ZNF341: variants seen among roughly 807,000 people sequenced by gnomAD.
ZNF341 encodes the protein zinc finger protein 341.
A neutral mutation model predicts 87.7 loss-of-function variants in ZNF341; 52 were observed. That is an observed-to-expected ratio of 0.59 (90% CI 0.47 to 0.75). ZNF341 has a LOEUF of 0.75. Ranked by LOEUF, ZNF341 falls within the 30% of genes least tolerant of loss-of-function variation. ZNF341 has a pLI of 0.00. For synonymous variants in ZNF341, 459 were observed against 472.7 expected (o/e 0.97, Z 0.38); for missense variants, 977 against 1,145.9 (o/e 0.85, Z 2.13).
chr20:33,764,569 T>A (rs1202520677), intron 8 of ZNF341, among the ~76,000 whole-genome samples: 96 of 72,718 alleles, frequency 1.3e-3, no homozygotes, highest in East Asian at 6.8e-3. Flanking sequence ...ATATTTTTTT[T>A]TTTTTTTTTT....
intron 10 of ZNF341, among the ~76,000 whole-genome samples, chr20:33,780,034 A>C (rs1459367260): frequency 6.6e-6 from 1 of 152,212 alleles, no homozygotes; most frequent in East Asian, 1.9e-4. Flanking sequence ...GAAGAAAATA[A>C]AACTGAGTGA....
Position 33,757,152 on chromosome 20 carries a change from C to T in ZNF341, c.746C>T (p.Pro249Leu). Residue 249 changes from proline to leucine, a missense_variant, in exon 6 of 15, where the codon CCA becomes CTA. Physicochemically the swap from Pro to Leu is moderately conservative, Grantham distance 98 (BLOSUM62 -3). Coordinates refer to ENST00000375200, the MANE Select transcript of ZNF341 (RefSeq NM_001282933.2). ...CTGACTGTGTTGTCCTCCTAGGTGC[C>T]AAACCAGTGTGTGGAGCCTCCAGTA... ...GMQPYPPLEV[P>L]NQCVEPPVYP... 1 of 1,429,138 alleles carries T rather than the reference C, an allele frequency of 7.0e-7. No homozygotes were observed. Among genetic ancestry groups the T allele is most frequent in the South Asian group, 1.6e-5 (1 of 62,512 alleles). The allele number at this position is 1,429,138 out of a possible 1,614,324, so 88.5% of individuals were successfully genotyped here.
intron 5 of ZNF341, among the ~76,000 whole-genome samples, chr20:33,754,903 G>A (rs1026695041): frequency 1.3e-5 from 2 of 152,132 alleles, no homozygotes; most frequent in African/African-American, 4.8e-5. Context: ...TAATTACTCA[G>A]TAATGCCTTG....
chr20:33,769,802 T>G (rs2019485674), intron 9 of ZNF341, among the ~76,000 whole-genome samples: 1 of 152,170 alleles, frequency 6.6e-6, no homozygotes, highest in South Asian at 2.1e-4. Context: ...TCCCAGCTAC[T>G]GGGGAGGCTG....
Position 33,770,155 on chromosome 20 carries a change from G to A in ZNF341, c.1485G>A (p.Lys495=). 6.2e-7 allele frequency: 1 copy of A among 1,614,166 alleles called. No individual in the cohort carries two copies. The highest frequency in any genetic ancestry group is 1.1e-5 in the South Asian group (1 of 91,078). Residue 495 remains lysine, a synonymous_variant, in exon 10 of 15, where the codon AAG becomes AAA. Transcript: ENST00000375200. ...TCGACACATTTCTGGAGCACATCAAGAGCCACCAGGAGGAGCTGAGCTACC... is the reference window on the plus strand; with the variant it reads ...TCGACACATTTCTGGAGCACATCAAAAGCCACCAGGAGGAGCTGAGCTACC... ...PKLDTFLEHI[K]SHQEELSYRC...
chr20:33,762,019 C>G lies in ZNF341; in HGVS notation c.1186C>G (p.Leu396Val), dbSNP rs541415583. ...RNSVTVQVMA[L>V]NPSRQEDEES... ...CTCTGTGACCGTACAGGTCATGGCCCTGAACCCCAGCAGGCAGGAGGACGA... is the reference window on the plus strand; with the variant it reads ...CTCTGTGACCGTACAGGTCATGGCCGTGAACCCCAGCAGGCAGGAGGACGA... Residue 396 changes from leucine to valine, a missense_variant, in exon 8 of 15, where the codon CTG (leucine) becomes GTG (valine). Physicochemically the swap from Leu to Val is conservative, Grantham distance 32. Transcript: ENST00000375200. 1.3e-6 allele frequency: 2 copies of G among 1,580,986 alleles called. No homozygotes were observed. The highest frequency in any genetic ancestry group is 1.7e-6 in the Non-Finnish European group (2 of 1,155,490).
At chr20:33,781,156 T>C (rs2019734954) in intron 10 of ZNF341, 135 bp from the exon 11 acceptor site, 7 of 714,614 alleles carry the variant, frequency 9.8e-6, no homozygotes, top group Non-Finnish European at 1.8e-5. Flanking sequence ...GCAGTGGCAA[T>C]TGAGAAGAGT....
intron 1 of ZNF341, among the ~76,000 whole-genome samples, chr20:33,736,236 G>A (rs1364051535): frequency 6.6e-6 from 1 of 150,532 alleles, no homozygotes; most frequent in Non-Finnish European, 1.5e-5. Context: ...CCACTCTAGT[G>A]GGGCTTAAGC....
chr20:33,732,793 CTG>C lies in ZNF341; in HGVS notation c.31+744_31+745del, dbSNP rs1308121484. On this transcript the variant is annotated intron_variant, in intron 1 of 14. Transcript: ENST00000375200. The surrounding 1 kb of genome is among the most constrained non-coding windows in gnomAD (Gnocchi z 4.5). ...ATGGGGTTGGTGCTCAGGCTCAAAA[CTG>C]TGGGCTTTGGAGACAGCAAACACTG... 1.3e-4 allele frequency among the ~76,000 whole-genome samples: 20 copies of C among 152,216 alleles called. No individual in the cohort carries two copies. The highest frequency in any genetic ancestry group is 2.9e-5 in the Non-Finnish European group (2 of 68,042).
intron 1 of ZNF341, among the ~76,000 whole-genome samples, chr20:33,737,322 T>TA (rs1368735013): frequency 6.6e-6 from 1 of 151,910 alleles, no homozygotes; most frequent in Non-Finnish European, 1.5e-5. Flanking sequence ...TTTATTTATT[T>TA]TTTATTTTTT....
chr20:33,761,200 A>G (rs2019282611), intron 7 of ZNF341, among the ~76,000 whole-genome samples: 1 of 151,852 alleles, frequency 6.6e-6, no homozygotes. Flanking sequence ...AAAATGTTAA[A>G]CTGTGGTACA....
intron 1 of ZNF341, among the ~76,000 whole-genome samples, chr20:33,736,056 C>T (rs2018676576): frequency 6.7e-6 from 1 of 149,180 alleles, no homozygotes; most frequent in African/African-American, 2.5e-5. Flanking sequence ...GCTATTTCAC[C>T]ATTTAACCAC....
rs1242465197 is a variant in ZNF341 at position 33,732,041 on chromosome 20, A to G, written c.20A>G (p.Glu7Gly). 2.7e-5 allele frequency: 37 copies of G among 1,353,424 alleles called. No individual in the cohort carries two copies. The Admixed American group carries it at 1.3e-3, about 49-fold the overall frequency. 83.8% of individuals were successfully genotyped at this position (1,353,424 alleles called of 1,614,324 possible). A position where few individuals can be genotyped will look rare whatever the true frequency, so the allele number is the denominator to read the frequency against. The stretch of plus-strand genomic sequence containing the variant: ...TCCAAGATGGCGCAGGCGATCTTTG[A>G]GGCCCTGGAGGGTGAGCGGCGGCGG... MAQAIF[E>G]ALEGMDNQTV... The change falls in exon 1 of 15, where the codon GAG becomes GGG. Residue 7 changes from glutamate (E) to glycine (G), a missense_variant. Glu to Gly is a moderately conservative substitution (Grantham distance 98, BLOSUM62 -2). This residue lies in a region of ZNF341 where 515 missense variants were observed against 598.2 expected (regional missense o/e 0.86). Coordinates refer to ENST00000375200, the MANE Select transcript of ZNF341 (RefSeq NM_001282933.2). The surrounding 1 kb of genome is among the most constrained non-coding windows in gnomAD (Gnocchi z 4.5).
Position 33,776,532 on chromosome 20 carries a change from G to A in ZNF341, c.1623-4759G>A, listed in dbSNP as rs550694810. 3.3e-5 allele frequency among the ~76,000 whole-genome samples: 5 copies of A among 152,138 alleles called. No individual in the cohort carries two copies. In the South Asian group the frequency reaches 6.2e-4, roughly 19 times the overall value. On this transcript the variant is annotated intron_variant, in intron 10 of 14. Transcript: ENST00000375200. ...CTCCTGAGTAGCTGGGACCACAGGT[G>A]TGTGCCACCAGGCCTGGCTAATTTT...
chr20:33,761,960 C>T lies in ZNF341; in HGVS notation c.1127C>T (p.Pro376Leu). ...CACATGCAGACCCACAAGGTGTGGC[C>T]TCCAGGACACAGTGGTGGCACCGTG... ...KKHMQTHKVW[P>L]PGHSGGTVSR... is the part of the protein sequence containing the mutation. The change falls in exon 8 of 15, where the codon CCT (proline) becomes CTT (leucine). Residue 376 changes from proline to leucine, a missense_variant. Pro to Leu is a moderately conservative substitution (Grantham distance 98). Coordinates refer to ENST00000375200, the MANE Select transcript of ZNF341 (RefSeq NM_001282933.2). 1 of 1,609,180 alleles carries T rather than the reference C, an allele frequency of 6.2e-7. No homozygotes were observed. The highest frequency in any genetic ancestry group is 8.5e-7 in the Non-Finnish European group (1 of 1,176,524).
At chr20:33,738,816 G>A (rs1274735654) in intron 1 of ZNF341, among the ~76,000 whole-genome samples, 1 of 152,228 alleles carries the variant, frequency 6.6e-6, no homozygotes, top group African/African-American at 2.4e-5. Flanking sequence ...CAGGCACAGT[G>A]TGGTGAGAGT....
chr20:33,734,787 C>T (rs2018644854), intron 1 of ZNF341, among the ~76,000 whole-genome samples: 1 of 152,138 alleles, frequency 6.6e-6, no homozygotes, highest in South Asian at 2.1e-4. Flanking sequence ...TCAATGCAGC[C>T]TCCACCTCCT....
At chr20:33,783,094 C>A (rs1262326406) in intron 11 of ZNF341, among the ~76,000 whole-genome samples, 1 of 152,004 alleles carries the variant, frequency 6.6e-6, no homozygotes, top group Non-Finnish European at 1.5e-5. Context: ...GCAGAGGTTG[C>A]AGTGAGCCAA....
intron 4 of ZNF341, among the ~76,000 whole-genome samples, chr20:33,751,559 T>TTTTG (rs145914417): frequency 2.8e-4 from 43 of 151,662 alleles, no homozygotes; most frequent in South Asian, 1.9e-3. Flanking sequence ...AAAGCCAGGG[T>TTTTG]TTTGTTTGTT....
Sources: allele counts gnomAD v4.1 joint callset (sites outside exome capture counted in the v4.1 genomes callset), GRCh38; gene constraint gnomAD v4.1.1; regional missense constraint gnomAD v4.1.1; non-coding constraint Gnocchi (gnomAD v3.1); transcripts MANE v1.5; gene names NCBI Gene and HGNC (gene_info 2026-07-23, HGNC 2026-07-21).